The following DYSF variants were observed in gnomAD, a reference collection of about 807,000 sequenced individuals.
The protein encoded by DYSF is dystrophy-associated fer-1-like 1.
In DYSF, 212 loss-of-function variants were observed where a neutral mutation model predicts 274.9. That is an observed-to-expected ratio of 0.77 (90% CI 0.69 to 0.86). The LOEUF (loss-of-function observed/expected upper bound fraction) is 0.86. Ranked by LOEUF, DYSF falls within the 40% of genes least tolerant of loss-of-function variation. The probability of loss-of-function intolerance (pLI) is 0.00; values close to 1 mark genes in which losing one functional copy is unlikely to be tolerated. For synonymous variants in DYSF, 1,091 were observed against 1,078.7 expected (o/e 1.01, Z -0.22); for missense variants, 2,666 against 2,783.2 (o/e 0.96, Z 0.95).
Position 71,513,899 on chromosome 2 carries a change from C to T in DYSF, c.737C>T (p.Ser246Leu). ...RSAPTSRKLL[S>L]DKPQDFQIRV... ...GCGCCTACATCTAGAAAGCTGCTGT[C>T]AGACAAACCGCAGGATTTCCAGGTG... is the stretch of plus-strand genomic sequence containing the variant. The change falls in exon 7 of 56, where the codon TCA (serine) becomes TTA (leucine). Residue 246 changes from serine to leucine, a missense_variant. Physicochemically the swap from Ser to Leu is moderately radical, Grantham distance 145. This residue lies in a region of DYSF where 794 missense variants were observed against 777.1 expected (regional missense o/e 1.02). Transcript: ENST00000410020. 1 of 1,614,208 alleles carries T rather than the reference C, an allele frequency of 6.2e-7. No individual in the cohort carries two copies. The highest frequency in any genetic ancestry group is 8.5e-7 in the Non-Finnish European group (1 of 1,180,032).
chr2:71,640,740 C>CGTGTGTGT (rs70963107), intron 41 of DYSF, among the ~76,000 whole-genome samples: 18 of 148,374 alleles, frequency 1.2e-4, no homozygotes, highest in African/African-American at 4.2e-4. Flanking sequence ...GAGATTAATC[C>CGTGTGTGT]GTGTGTGTGT....
chr2:71,511,348 T>C (rs2152727931), intron 4 of DYSF, among the ~76,000 whole-genome samples: 1 of 152,252 alleles, frequency 6.6e-6, no homozygotes, highest in Non-Finnish European at 1.5e-5. Flanking sequence ...GGGCAAGCCA[T>C]TGACTGAGCA....
At chr2:71,624,116 G>C (rs1343902790) in intron 41 of DYSF, among the ~76,000 whole-genome samples, 2 of 152,130 alleles carry the variant, frequency 1.3e-5, no homozygotes. Flanking sequence ...AGTTTTCATA[G>C]ATACAATGCC....
intron 3 of DYSF, among the ~76,000 whole-genome samples, chr2:71,499,231 G>A (rs2084728791): frequency 6.6e-6 from 1 of 152,120 alleles, no homozygotes; most frequent in Admixed American, 6.5e-5. Context: ...GCAGCAAGTA[G>A]CTTATTATAC....
At chr2:71,649,672 C>A (rs1023131822) in intron 42 of DYSF, among the ~76,000 whole-genome samples, 2 of 151,628 alleles carry the variant, frequency 1.3e-5, no homozygotes, top group African/African-American at 2.4e-5. Context: ...GAAAGTGGAC[C>A]GTGCAAAGAT....
chr2:71,567,338 G>A (rs1574037696), intron 24 of DYSF, among the ~76,000 whole-genome samples: 1 of 152,276 alleles, frequency 6.6e-6, no homozygotes, highest in African/African-American at 2.4e-5. Flanking sequence ...AAACATGGAG[G>A]GGGAGGCTTT....
At chr2:71,596,734 A>G (rs1317192790) in intron 32 of DYSF, among the ~76,000 whole-genome samples, 1 of 152,166 alleles carries the variant, frequency 6.6e-6, no homozygotes, top group Admixed American at 6.5e-5. Context: ...GTTCCACAGA[A>G]TCAGGCTCAA....
At chr2:71,573,029 G>A (rs1006781834) in intron 29 of DYSF, among the ~76,000 whole-genome samples, 2 of 152,188 alleles carry the variant, frequency 1.3e-5, no homozygotes, top group African/African-American at 4.8e-5. Flanking sequence ...CACAGCCTCT[G>A]TGCCCGCCTG....
At chr2:71,482,698 G>A (rs1278275537) in intron 3 of DYSF, among the ~76,000 whole-genome samples, 1 of 152,142 alleles carries the variant, frequency 6.6e-6, no homozygotes, top group Non-Finnish European at 1.5e-5. Flanking sequence ...TTGGACTGGG[G>A]CTGTGGGTGG....
At chr2:71,537,302 A>G (rs1020241621) in intron 16 of DYSF, among the ~76,000 whole-genome samples, 2 of 134,152 alleles carry the variant, frequency 1.5e-5, no homozygotes, top group African/African-American at 5.8e-5. Context: ...GCTGGAGTCC[A>G]ATGGCGTGAT....
At chr2:71,527,839 T>C (rs548675764) in intron 13 of DYSF, among the ~76,000 whole-genome samples, 2 of 152,224 alleles carry the variant, frequency 1.3e-5, no homozygotes, top group South Asian at 4.1e-4. Flanking sequence ...TGGGGCAGCA[T>C]AGATTAAAAA....
At chr2:71,472,054 C>T (rs6754568) in intron 1 of DYSF, among the ~76,000 whole-genome samples, 41,123 of 151,976 alleles carry the variant, frequency 0.27, 6,001 homozygotes, top group Non-Finnish European at 0.32. Flanking sequence ...TAAATATCTG[C>T]GTAATATTTT....
intron 42 of DYSF, among the ~76,000 whole-genome samples, chr2:71,648,474 T>C (rs1308430266): frequency 2.0e-5 from 3 of 152,086 alleles, no homozygotes; most frequent in Non-Finnish European, 2.9e-5. Context: ...ATGACAGATA[T>C]AGACGTCAGG....
chr2:71,541,509 G>GTT (rs36115752), intron 17 of DYSF, among the ~76,000 whole-genome samples: 56 of 151,024 alleles, frequency 3.7e-4, no homozygotes, highest in Middle Eastern at 3.4e-3. Context: ...ATGTATTTGA[G>GTT]TTTTTTTTTC....
intron 22 of DYSF, 69 bp downstream of exon 22, chr2:71,556,140 C>G (rs2091322499): frequency 2.3e-6 from 3 of 1,332,820 alleles, no homozygotes; most frequent in Non-Finnish European, 3.1e-6. Context: ...GCTGGGAGTG[C>G]TCGTGTGTGG....
rs141308340 is a variant in DYSF at position 71,531,001 on chromosome 2, C to T, written c.1380+2600C>T. Reference sequence around the variant, plus strand: ...AGATAGGAGTGTGGGAGAGTGTGTGCGACTGTGCACTTCATGGTATGGAAG... The same window carrying T: ...AGATAGGAGTGTGGGAGAGTGTGTGTGACTGTGCACTTCATGGTATGGAAG... On this transcript the variant is annotated intron_variant, in intron 14 of 55. Coordinates refer to ENST00000410020, the MANE Select transcript of DYSF (RefSeq NM_001130987.2). Among the ~76,000 whole-genome samples the T allele has an allele frequency of 1.5e-3, 234 of 151,816 alleles. 3 individuals carry two copies. Among genetic ancestry groups the T allele is most frequent in the African/African-American group, 5.4e-3 (222 of 41,348 alleles).
intron 41 of DYSF, among the ~76,000 whole-genome samples, chr2:71,634,089 C>T (rs2094356759): frequency 6.6e-6 from 1 of 152,176 alleles, no homozygotes; most frequent in Admixed American, 6.5e-5. Context: ...TTAGCTGAAA[C>T]TGGAGAGGCT....
chr2:71,460,682 A>C (rs1422374350), intron 1 of DYSF, among the ~76,000 whole-genome samples: 1 of 152,112 alleles, frequency 6.6e-6, no homozygotes, highest in Non-Finnish European at 1.5e-5. Flanking sequence ...CTGGGATGAA[A>C]AGGAGGCCTC....
In DYSF at chr2:71,510,713, T is replaced by A. The variant is rs1476248406; in HGVS notation, c.346-1094T>A. Among the ~76,000 whole-genome samples the A allele has an allele frequency of 3.3e-5, 5 of 152,324 alleles. No homozygotes were observed. The East Asian group carries it at 9.6e-4, about 29-fold the overall frequency. ...TCCCTAACATCATTCAGCAGAAAGGTCCAGTGAACTGTGCCAGAGCCACTC... is the reference window on the plus strand; with the variant it reads ...TCCCTAACATCATTCAGCAGAAAGGACCAGTGAACTGTGCCAGAGCCACTC... On this transcript the variant is annotated intron_variant, in intron 4 of 55. Transcript: ENST00000410020.
Sources: gnomAD v4.1 joint callset for allele counts (sites outside exome capture counted in the v4.1 genomes callset) on GRCh38, gnomAD v4.1.1 for gene constraint, gnomAD v4.1.1 regional missense constraint, MANE v1.5 for transcripts, NCBI Gene and HGNC (gene_info 2026-07-23, HGNC 2026-07-21) for gene names.